CPPED1: variants seen among roughly 807,000 people sequenced by gnomAD.
The protein encoded by CPPED1 is calcineurin like phosphoesterase domain containing 1, also known as serine/threonine-protein phosphatase CPPED1.
Under a neutral mutation model 28.0 loss-of-function variants are expected in CPPED1, and 28 were observed. The observed-to-expected ratio is 1.00, with a 90% confidence interval of 0.74 to 1.37. CPPED1 has a LOEUF of 1.37. CPPED1 is among the 40% of genes most tolerant of loss of function. The pLI is 0.00. For synonymous variants in CPPED1, 198 were observed against 180.2 expected, an observed-to-expected ratio of 1.10 and a Z score of -0.79; for missense variants, 504 against 416.5, an observed-to-expected ratio of 1.21 and a Z score of -1.83.
At chr16:12,779,523 G>C (rs1267287388) in intron 2 of CPPED1, among the ~76,000 whole-genome samples, 2 of 151,970 alleles carry the variant, frequency 1.3e-5, no homozygotes, top group Non-Finnish European at 1.5e-5. Flanking sequence ...CAAGTAGCTG[G>C]GGTTACAGGT....
At chr16:12,771,467 G>A (rs575976533) in intron 2 of CPPED1, among the ~76,000 whole-genome samples, 1 of 152,284 alleles carries the variant, frequency 6.6e-6, no homozygotes, top group African/African-American at 2.4e-5. Context: ...CACCAATACG[G>A]ACACACAGAC....
chr16:12,748,210 A>G (rs1283266907), intron 2 of CPPED1, among the ~76,000 whole-genome samples: 3 of 152,224 alleles, frequency 2.0e-5, no homozygotes, highest in Non-Finnish European at 4.4e-5. Flanking sequence ...AAAACAACCT[A>G]TGCCCAAACA....
In CPPED1 at chr16:12,660,308, T is replaced by A. The variant is rs1038233850; in HGVS notation, c.*4578A>T. ...ATGGTCAGAATAATGAAGGGTAACA[T>A]GATTATTCACATTTAATCGACTTCA... On this transcript the variant is annotated 3_prime_UTR_variant, in exon 4 of 4. Transcript: ENST00000381774. 6.6e-6 allele frequency: 1 copy of A among 152,216 alleles called. No homozygotes were observed. The highest frequency in any genetic ancestry group is 2.4e-5 in the African/African-American group (1 of 41,454). 9.4% of individuals were successfully genotyped at this position (152,216 alleles called of 1,614,324 possible). A position where few individuals can be genotyped will look rare whatever the true frequency, so the allele number is the denominator to read the frequency against.
chr16:12,761,500 A>G (rs924069665), intron 2 of CPPED1, among the ~76,000 whole-genome samples: 3 of 152,126 alleles, frequency 2.0e-5, no homozygotes, highest in Non-Finnish European at 4.4e-5. Flanking sequence ...TATGACGAGT[A>G]CTATTATTTA....
At chr16:12,735,233 G>A (rs190688387) in intron 2 of CPPED1, among the ~76,000 whole-genome samples, 62 of 152,282 alleles carry the variant, frequency 4.1e-4, no homozygotes, top group Middle Eastern at 3.4e-3. Flanking sequence ...AAGAGAATGG[G>A]ATGAGTAGAC....
intron 1 of CPPED1, among the ~76,000 whole-genome samples, chr16:12,796,291 C>G (rs1348711290): frequency 6.6e-6 from 1 of 151,928 alleles, no homozygotes; most frequent in Non-Finnish European, 1.5e-5. Context: ...GTCAGGAGTT[C>G]CAGACCAGCC....
chr16:12,795,984 G>A (rs1253573279), intron 1 of CPPED1, among the ~76,000 whole-genome samples: 2 of 151,880 alleles, frequency 1.3e-5, no homozygotes, highest in South Asian at 2.1e-4. Context: ...TTGGGAGTCC[G>A]AGGCAGGAGA....
intron 2 of CPPED1, among the ~76,000 whole-genome samples, chr16:12,711,413 G>A (rs904564393): frequency 1.3e-5 from 2 of 152,208 alleles, no homozygotes; most frequent in Admixed American, 6.5e-5. Flanking sequence ...AGATGGTGAT[G>A]ATGGTTGCAC....
At chr16:12,690,034 T>C (rs1226039115) in intron 3 of CPPED1, among the ~76,000 whole-genome samples, 1 of 152,242 alleles carries the variant, frequency 6.6e-6, no homozygotes, top group Admixed American at 6.5e-5. Flanking sequence ...CTCAAGACAA[T>C]GTTTCAAACC....
At chr16:12,770,324 G>A (rs1334059023) in intron 2 of CPPED1, among the ~76,000 whole-genome samples, 1 of 152,170 alleles carries the variant, frequency 6.6e-6, no homozygotes, top group East Asian at 1.9e-4. Flanking sequence ...GCACGTCTGA[G>A]GATGCTCACA....
chr16:12,710,950 G>A (rs530704186), intron 2 of CPPED1, among the ~76,000 whole-genome samples: 10 of 152,232 alleles, frequency 6.6e-5, no homozygotes, highest in East Asian at 1.9e-4. Flanking sequence ...AAAATTAAAC[G>A]TAGGATTACC....
intron 2 of CPPED1, among the ~76,000 whole-genome samples, chr16:12,715,570 A>G (rs146001627): frequency 0.034 from 5,145 of 152,204 alleles, 127 homozygotes; most frequent in East Asian, 0.1. Flanking sequence ...TGAGGCAGGA[A>G]AATTGCTTGA....
At chr16:12,677,360 T>C (rs1316455124) in intron 3 of CPPED1, among the ~76,000 whole-genome samples, 1 of 152,170 alleles carries the variant, frequency 6.6e-6, no homozygotes, top group African/African-American at 2.4e-5. Flanking sequence ...CAAGGTTGGC[T>C]GGGCGCGGTG....
At chr16:12,696,133 T>C (rs2079988841) in intron 3 of CPPED1, among the ~76,000 whole-genome samples, 1 of 151,540 alleles carries the variant, frequency 6.6e-6, no homozygotes, top group Admixed American at 6.6e-5. Context: ...GAATTTTGTC[T>C]AGCTTTACTT....
intron 2 of CPPED1, among the ~76,000 whole-genome samples, chr16:12,733,067 T>C (rs1486651333): frequency 6.6e-6 from 1 of 152,056 alleles, no homozygotes; most frequent in Non-Finnish European, 1.5e-5. Context: ...TGACGGGAAA[T>C]TGGTAAGCTC....
chr16:12,682,277 G>A lies in CPPED1; in HGVS notation c.716-17162C>T, dbSNP rs967748927. Among the ~76,000 whole-genome samples, 5 of 151,902 alleles carry A rather than the reference G, an allele frequency of 3.3e-5. No individual in the cohort carries two copies. The highest frequency in any genetic ancestry group is 1.2e-4 in the African/African-American group (5 of 41,352). On this transcript the variant is annotated intron_variant, in intron 3 of 3. Coordinates refer to ENST00000381774, the MANE Select transcript of CPPED1 (RefSeq NM_018340.3). This position sits in a 1 kb window ranked among gnomAD's most constrained non-coding sequence, Gnocchi z 6.1. ...CTCAAACTCCTGAACTCAGGTGATC[G>A]ACCCACTTTGGTCTCCCAAAAGTGC...
At chr16:12,769,422 G>A (rs2080457512) in intron 2 of CPPED1, among the ~76,000 whole-genome samples, 1 of 152,080 alleles carries the variant, frequency 6.6e-6, no homozygotes, top group South Asian at 2.1e-4. Flanking sequence ...GGGTTAAGAC[G>A]CCGAGACTTG....
chr16:12,740,478 C>A (rs35908509), intron 2 of CPPED1, among the ~76,000 whole-genome samples: 2 of 151,510 alleles, frequency 1.3e-5, no homozygotes, highest in African/African-American at 4.9e-5. Flanking sequence ...TTTAAAAACC[C>A]GTAGCCAAAA....
At chr16:12,690,921 C>T (rs2079959296) in intron 3 of CPPED1, among the ~76,000 whole-genome samples, 1 of 152,220 alleles carries the variant, frequency 6.6e-6, no homozygotes, top group African/African-American at 2.4e-5. Flanking sequence ...GAGGCAGCCC[C>T]TGTAGAGGAG....
Sources: allele counts gnomAD v4.1 joint callset (sites outside exome capture counted in the v4.1 genomes callset), GRCh38; gene constraint gnomAD v4.1.1; non-coding constraint Gnocchi (gnomAD v3.1); transcripts MANE v1.5; gene names NCBI Gene and HGNC (gene_info 2026-07-23, HGNC 2026-07-21).